The following GABBR1 variants were observed in gnomAD, a reference collection of about 807,000 sequenced individuals.
The protein encoded by GABBR1 is GABA-B receptor, R1 subunit.
GABBR1 carries 35 observed loss-of-function variants against 117.7 expected under a neutral mutation model. The ratio of observed to expected loss-of-function variants is 0.30; its 90% CI spans 0.23 to 0.39. GABBR1 has a LOEUF of 0.39. Ranked by LOEUF, GABBR1 falls within the 10% of genes least tolerant of loss-of-function variation. GABBR1 has a pLI of 1.00. For missense variants in GABBR1, 709 were observed against 1,241.8 expected, an observed-to-expected ratio of 0.57 and a Z score of 6.45; for synonymous variants, 442 against 486.6, an observed-to-expected ratio of 0.91 and a Z score of 1.21.
In GABBR1 at chr6:29,607,714, A is replaced by G. The variant is rs1762108552; in HGVS notation, c.1993-496T>C. 6.6e-6 allele frequency among the ~76,000 whole-genome samples: 1 copy of G among 152,100 alleles called. No homozygotes were observed. Among genetic ancestry groups the G allele is most frequent in the Admixed American group, 6.5e-5 (1 of 15,272 alleles). ...TATGCCCCTGAAGTAGCCTTCCTCTATTTCTCTAGCTGATAAAATCCTATT... is the reference window on the plus strand; with the variant it reads ...TATGCCCCTGAAGTAGCCTTCCTCTGTTTCTCTAGCTGATAAAATCCTATT... On this transcript the variant is annotated intron_variant, in intron 16 of 22. Transcript: ENST00000377034. The surrounding 1 kb of genome is among the most constrained non-coding windows in gnomAD (Gnocchi z 5.0).
chr6:29,616,332 CAT>C, intron 11 of GABBR1, among the ~76,000 whole-genome samples: 1 of 151,092 alleles, frequency 6.6e-6, no homozygotes, highest in East Asian at 1.9e-4. Context: ...GAGCCAAGAT[CAT>C]GCCATTGCAC....
At chr6:29,612,667 A>G in intron 12 of GABBR1, 53 bp from the exon 13 acceptor site, 1 of 1,413,234 alleles carries the variant, frequency 7.1e-7, no homozygotes, top group Non-Finnish European at 1.0e-6. Context: ...CAAGAGTGAA[A>G]GAGAACATCA....
chr6:29,630,704 G>A lies in GABBR1; in HGVS notation c.290-61C>T, dbSNP rs1764871906. On this transcript the variant is annotated intron_variant, in intron 3 of 22. Transcript: ENST00000377034. This position sits in a 1 kb window ranked among gnomAD's most constrained non-coding sequence, Gnocchi z 4.9. ...TTGAAGAAGGCTCTTTCCCTTTAAA[G>A]AGCAGGGGACTCAGGTGCAGGTTTG... 6.8e-7 allele frequency: 1 copy of A among 1,463,102 alleles called. No individual in the cohort carries two copies. The highest frequency in any genetic ancestry group is 2.3e-5 in the East Asian group (1 of 43,482). 90.6% of individuals were successfully genotyped at this position (1,463,102 alleles called of 1,614,324 possible).
chr6:29,611,111 T>G lies in GABBR1; in HGVS notation c.1631-110A>C, dbSNP rs1047985789. On this transcript the variant is annotated intron_variant, in intron 13 of 22. Transcript: ENST00000377034. The surrounding 1 kb of genome is among the most constrained non-coding windows in gnomAD (Gnocchi z 4.6). ...TTTGCATGGTTGTATCTGATTTTAT[T>G]TTCACCTGAGGCCCTAAGGATGCTT... 13 of 839,312 alleles carry G rather than the reference T, an allele frequency of 1.5e-5. No homozygotes were observed. In the African/African-American group the frequency reaches 2.0e-4, roughly 13 times the overall value. 52.0% of individuals were successfully genotyped at this position (839,312 alleles called of 1,614,324 possible).
chr6:29,632,192 G>C lies in GABBR1; in HGVS notation c.85+109C>G. ...GCCGAGCAGAAGGGGTTGCCAGACC[G>C]GGATGATATGTGGGACTGATGGGAT... On this transcript the variant is annotated intron_variant, in intron 2 of 22. Coordinates refer to ENST00000377034, the MANE Select transcript of GABBR1 (RefSeq NM_001470.4). This position sits in a 1 kb window ranked among gnomAD's most constrained non-coding sequence, Gnocchi z 5.8. 1 of 655,970 alleles carries C rather than the reference G, an allele frequency of 1.5e-6. No individual in the cohort carries two copies. The highest frequency in any genetic ancestry group is 2.4e-6 in the Non-Finnish European group (1 of 418,824). 40.6% of individuals were successfully genotyped at this position (655,970 alleles called of 1,614,324 possible).
intron 5 of GABBR1, among the ~76,000 whole-genome samples, chr6:29,628,396 G>T (rs546494467): frequency 6.6e-6 from 1 of 152,108 alleles, no homozygotes; most frequent in Non-Finnish European, 1.5e-5. Flanking sequence ...AACGGGGCTG[G>T]CGCCTGAGGT....
At chr6:29,608,540 G>A (rs1762191506) in intron 16 of GABBR1, 61 bp downstream of exon 16, 2 of 1,548,494 alleles carry the variant, frequency 1.3e-6, no homozygotes, top group Non-Finnish European at 1.8e-6. Context: ...ATCATGGAAG[G>A]TGCTCCTGAG....
chr6:29,629,191 C>A, intron 4 of GABBR1, 84 bp from the exon 5 acceptor site: 1 of 1,479,764 alleles, frequency 6.8e-7, no homozygotes, highest in Non-Finnish European at 9.4e-7. Context: ...CCCTCCCACA[C>A]CTGTCCATGC....
Position 29,609,447 on chromosome 6 carries a change from G to A in GABBR1, c.1709-68C>T, listed in dbSNP as rs776955403. 23 of 1,416,836 alleles carry A rather than the reference G, an allele frequency of 1.6e-5. No individual in the cohort carries two copies. The highest frequency in any genetic ancestry group is 4.2e-5 in the African/African-American group (3 of 70,710). 87.8% of individuals were successfully genotyped at this position (1,416,836 alleles called of 1,614,324 possible). ...GGAAGGAGGACAAAGGAATGAAGAC[G>A]GGATAGGAGAAAAGGGCAAAGAACT... On this transcript the variant is annotated intron_variant, in intron 14 of 22. Coordinates refer to ENST00000377034, the MANE Select transcript of GABBR1 (RefSeq NM_001470.4). The surrounding 1 kb of genome is among the most constrained non-coding windows in gnomAD (Gnocchi z 4.3).
chr6:29,619,146 C>T (rs918083297), intron 11 of GABBR1, among the ~76,000 whole-genome samples: 6 of 152,124 alleles, frequency 3.9e-5, no homozygotes, highest in African/African-American at 4.8e-5. Flanking sequence ...GTGGTTCTGA[C>T]GGATGTTAAA....
chr6:29,603,062 A>C lies in GABBR1; in HGVS notation c.*481T>G. The C allele has an allele frequency of 2.2e-6, 1 of 457,344 alleles. No individual in the cohort carries two copies. The highest frequency in any genetic ancestry group is 1.5e-5 in the South Asian group (1 of 64,586). The allele number at this position is 457,344 out of a possible 1,614,324, so 28.3% of individuals were successfully genotyped here. A position where few individuals can be genotyped will look rare whatever the true frequency, so the allele number is the denominator to read the frequency against. On this transcript the variant is annotated 3_prime_UTR_variant, in exon 23 of 23. Coordinates refer to ENST00000377034, the MANE Select transcript of GABBR1 (RefSeq NM_001470.4). Reference sequence around the variant, plus strand: ...CAGGGGGAGCCACATGTGAGAAAGTATAGAAGGGCAAGTAAGATGGAAAGA... The same window carrying C: ...CAGGGGGAGCCACATGTGAGAAAGTCTAGAAGGGCAAGTAAGATGGAAAGA...
In GABBR1 at chr6:29,621,231, T is replaced by C; in HGVS notation, c.1193A>G (p.Asp398Gly). The change falls in exon 11 of 23, where the codon GAC (aspartate) becomes GGC (glycine). Residue 398 changes from aspartate to glycine, a missense_variant. Physicochemically the swap from Asp to Gly is moderately conservative, Grantham distance 94. Coordinates refer to ENST00000377034, the MANE Select transcript of GABBR1 (RefSeq NM_001470.4). The surrounding 1 kb of genome is among the most constrained non-coding windows in gnomAD (Gnocchi z 5.0). Reference protein sequence around the residue: ...YVWFLIGWYADNWFKIYDPSI... With the variant: ...YVWFLIGWYAGNWFKIYDPSI... ...AGGGTCGTAGATCTTGAACCAATTGTCAGCATACCACCCAATGAGGAACCA... is the reference window on the plus strand; with the variant it reads ...AGGGTCGTAGATCTTGAACCAATTGCCAGCATACCACCCAATGAGGAACCA... 1 of 1,613,082 alleles carries C rather than the reference T, an allele frequency of 6.2e-7. No individual in the cohort carries two copies.
At position 29,621,617 on chromosome 6, in the gene GABBR1, AG is replaced by A. The variant is rs1763755172; in HGVS notation, c.1131+134del. 1 of 768,624 alleles carries A rather than the reference AG, an allele frequency of 1.3e-6. No individual in the cohort carries two copies. The highest frequency in any genetic ancestry group is 2.2e-6 in the Non-Finnish European group (1 of 447,450). The allele number at this position is 768,624 out of a possible 1,614,324, so 47.6% of individuals were successfully genotyped here. On this transcript the variant is annotated intron_variant, in intron 10 of 22. Transcript: ENST00000377034. The surrounding 1 kb of genome is among the most constrained non-coding windows in gnomAD (Gnocchi z 5.0). ...GACAAGGGATGCAGTCAGAGCCAAC[AG>A]ACAGAGACATCCTATGAATCGTCAC...
chr6:29,630,639 T>G lies in GABBR1; in HGVS notation c.294A>C (p.Arg98=), dbSNP rs140961463. The G allele has an allele frequency of 3.7e-6, 6 of 1,609,972 alleles. No homozygotes were observed. In the African/African-American group the frequency reaches 8.0e-5, roughly 21 times the overall value. The change falls in exon 4 of 23, where the codon CGA becomes CGC. Residue 98 remains arginine, a synonymous_variant. Coordinates refer to ENST00000377034, the MANE Select transcript of GABBR1 (RefSeq NM_001470.4). The surrounding 1 kb of genome is among the most constrained non-coding windows in gnomAD (Gnocchi z 4.9). The part of the protein sequence containing the change: ...TDMDTPSRCV[R]ICSKSYLTLE... The stretch of plus-strand genomic sequence containing the variant: ...GGGTCAAATAAGACTTGGAGCAGAT[T>G]CGGACTGTGGAGAGATAGGAAAATA...
Position 29,621,647 on chromosome 6 carries a change from A to G in GABBR1, c.1131+105T>C. 2 of 972,240 alleles carry G rather than the reference A, an allele frequency of 2.1e-6. No individual in the cohort carries two copies. Among genetic ancestry groups the G allele is most frequent in the Admixed American group, 3.6e-5 (2 of 55,112 alleles). 60.2% of individuals were successfully genotyped at this position (972,240 alleles called of 1,614,324 possible). A position where few individuals can be genotyped will look rare whatever the true frequency, so the allele number is the denominator to read the frequency against. ...GAGACATCCTATGAATCGTCACCTC[A>G]GATCATATGCTATCAACTCAGGCAC... is the stretch of plus-strand genomic sequence containing the variant. On this transcript the variant is annotated intron_variant, in intron 10 of 22. Transcript: ENST00000377034. This position sits in a 1 kb window ranked among gnomAD's most constrained non-coding sequence, Gnocchi z 5.0.
chr6:29,606,187 G>A lies in GABBR1; in HGVS notation c.2311+204C>T. The A allele has an allele frequency of 5.2e-6, 3 of 580,062 alleles. No individual in the cohort carries two copies. The highest frequency in any genetic ancestry group is 9.2e-6 in the Non-Finnish European group (3 of 325,358). 35.9% of individuals were successfully genotyped at this position (580,062 alleles called of 1,614,324 possible). On this transcript the variant is annotated intron_variant, in intron 19 of 22. Coordinates refer to ENST00000377034, the MANE Select transcript of GABBR1 (RefSeq NM_001470.4). The surrounding 1 kb of genome is among the most constrained non-coding windows in gnomAD (Gnocchi z 4.5). Reference sequence around the variant, plus strand: ...CTTCATCTGTGCTTTCTGTGCTTTGGGCCCTAAGCTCCTCATAGCAAAAGA... The same window carrying A: ...CTTCATCTGTGCTTTCTGTGCTTTGAGCCCTAAGCTCCTCATAGCAAAAGA...
chr6:29,628,516 G>A (rs1384941211), intron 5 of GABBR1, among the ~76,000 whole-genome samples: 2 of 152,054 alleles, frequency 1.3e-5, no homozygotes, highest in Non-Finnish European at 2.9e-5. Context: ...TTGAGGGAGT[G>A]GTGGGGTCGT....
chr6:29,614,849 G>GT (rs1762905333), intron 11 of GABBR1, among the ~76,000 whole-genome samples: 1 of 152,082 alleles, frequency 6.6e-6, no homozygotes, highest in African/African-American at 2.4e-5. Flanking sequence ...ATGTATCAAT[G>GT]TAGGTTCATC....
rs920712503 is a variant in GABBR1, at chr6:29,622,374, C to T, written c.964-169G>A. On this transcript the variant is annotated intron_variant, in intron 8 of 22. Coordinates refer to ENST00000377034, the MANE Select transcript of GABBR1 (RefSeq NM_001470.4). The surrounding 1 kb of genome is among the most constrained non-coding windows in gnomAD (Gnocchi z 4.6). ...CCCTGAAGTGAGGAGTTCGGGAAGG[C>T]ATCTGGTCTTAGGATGTGGATTCCA... is the stretch of plus-strand genomic sequence containing the variant. 3.7e-5 allele frequency: 23 copies of T among 614,182 alleles called. No individual in the cohort carries two copies. The highest frequency in any genetic ancestry group is 1.2e-5 in the Non-Finnish European group (4 of 343,206). 38.0% of individuals were successfully genotyped at this position (614,182 alleles called of 1,614,324 possible). A position where few individuals can be genotyped will look rare whatever the true frequency, so the allele number is the denominator to read the frequency against.
Sources: allele counts gnomAD v4.1 joint callset (sites outside exome capture counted in the v4.1 genomes callset), GRCh38; gene constraint gnomAD v4.1.1; non-coding constraint Gnocchi (gnomAD v3.1); transcripts MANE v1.5; gene names NCBI Gene and HGNC (gene_info 2026-07-23, HGNC 2026-07-21).